EPHB1: variants seen among roughly 807,000 people sequenced by gnomAD.
EPHB1 encodes EPH receptor B1.
Under a neutral mutation model 94.4 loss-of-function variants are expected in EPHB1, and 30 were observed. The observed-to-expected ratio is 0.32, with a 90% CI of 0.24 to 0.43. The LOEUF is 0.43. Ranked by LOEUF, EPHB1 falls within the 20% of genes least tolerant of loss-of-function variation. The probability of loss-of-function intolerance (pLI) is 1.00; values close to 1 mark genes in which losing one functional copy is unlikely to be tolerated. For missense variants in EPHB1, 1,055 were observed against 1,308.3 expected, an observed-to-expected ratio of 0.81 and a Z score of 2.99; for synonymous variants, 522 against 489.1, an observed-to-expected ratio of 1.07 and a Z score of -0.89.
chr3:135,139,927 C>T (rs763956889), intron 5 of EPHB1, among the ~76,000 whole-genome samples: 2 of 152,188 alleles, frequency 1.3e-5, no homozygotes, highest in African/African-American at 2.4e-5. Flanking sequence ...GGGAATTCTC[C>T]TTCCAGGTTG....
rs536384627 is a variant in EPHB1 at position 134,828,288 on chromosome 3, A to C, written c.58+32599A>C. On this transcript the variant is annotated intron_variant, in intron 1 of 15. Transcript: ENST00000398015. ...CCAACACTGTGTGAGTAGGAACAAAAAAAGATCATGGAGTCTTAATAGACT... is the reference window on the plus strand; with the variant it reads ...CCAACACTGTGTGAGTAGGAACAAACAAAGATCATGGAGTCTTAATAGACT... Among the ~76,000 whole-genome samples, 205 of 152,338 alleles carry C rather than the reference A, an allele frequency of 1.3e-3. 1 individual carries two copies. Among genetic ancestry groups the C allele is most frequent in the African/African-American group, 4.8e-3 (200 of 41,576 alleles).
chr3:134,966,888 G>A (rs974154868), intron 3 of EPHB1, among the ~76,000 whole-genome samples: 26 of 152,220 alleles, frequency 1.7e-4, no homozygotes, highest in Admixed American at 1.6e-3. Flanking sequence ...ACAGGGCCCC[G>A]CTCTGGCCCT....
rs144472668 is a variant in EPHB1, at chr3:134,872,717, A to G, written c.59-53099A>G. 1.5e-3 allele frequency among the ~76,000 whole-genome samples: 225 copies of G among 152,328 alleles called. 2 individuals carry two copies. Among genetic ancestry groups the G allele is most frequent in the African/African-American group, 1.7e-3 (72 of 41,576 alleles). On this transcript the variant is annotated intron_variant, in intron 1 of 15. Coordinates refer to ENST00000398015, the MANE Select transcript of EPHB1 (RefSeq NM_004441.5). Reference sequence around the variant, plus strand: ...CTTCAATGTCTTTCCATAAATTATAATGAAGGGTGAATACCTTAGTACTTC... The same window carrying G: ...CTTCAATGTCTTTCCATAAATTATAGTGAAGGGTGAATACCTTAGTACTTC...
At chr3:135,252,055 T>A (rs1272644405) in intron 15 of EPHB1, among the ~76,000 whole-genome samples, 1 of 151,962 alleles carries the variant, frequency 6.6e-6, no homozygotes. Context: ...ATAATGCCCA[T>A]CTCATTAGTG....
chr3:135,029,141 T>G (rs184749452), intron 3 of EPHB1, among the ~76,000 whole-genome samples: 70 of 46,882 alleles, frequency 1.5e-3, no homozygotes, highest in Admixed American at 0.01. Context: ...GATGGGTTTC[T>G]TGAATACAGC....
intron 3 of EPHB1, among the ~76,000 whole-genome samples, chr3:134,960,115 GC>G (rs1381156425): frequency 1.3e-5 from 2 of 151,758 alleles, no homozygotes; most frequent in Non-Finnish European, 2.9e-5. Flanking sequence ...GCCCTTAGGA[GC>G]CCTGAGAGAT....
intron 1 of EPHB1, among the ~76,000 whole-genome samples, chr3:134,859,247 G>A (rs867750329): frequency 6.6e-6 from 1 of 152,070 alleles, no homozygotes; most frequent in African/African-American, 2.4e-5. Context: ...CACCTCCTTC[G>A]ATCTCATTGT....
At chr3:134,944,950 T>G (rs906865288) in intron 2 of EPHB1, among the ~76,000 whole-genome samples, 99 of 152,240 alleles carry the variant, frequency 6.5e-4, no homozygotes, top group African/African-American at 2.2e-3. Flanking sequence ...CTTTTGTTCT[T>G]TGACATCCCC....
At chr3:134,916,309 CG>C in intron 1 of EPHB1, among the ~76,000 whole-genome samples, 1 of 152,354 alleles carries the variant, frequency 6.6e-6, no homozygotes, top group Non-Finnish European at 1.5e-5. Flanking sequence ...GGATCCCACA[CG>C]AGGGCCACAG....
chr3:134,972,292 G>A (rs541426101), intron 3 of EPHB1, among the ~76,000 whole-genome samples: 19 of 150,984 alleles, frequency 1.3e-4, no homozygotes, highest in Non-Finnish European at 2.2e-4. Context: ...ACTGTACAGA[G>A]AGCATCTGGA....
At chr3:134,967,438 G>A (rs1488112510) in intron 3 of EPHB1, among the ~76,000 whole-genome samples, 3 of 152,170 alleles carry the variant, frequency 2.0e-5, no homozygotes, top group Non-Finnish European at 4.4e-5. Context: ...TGGATCATGA[G>A]AGCTCTGCAC....
At chr3:135,063,921 C>G (rs114953707) in intron 3 of EPHB1, among the ~76,000 whole-genome samples, 1 of 151,904 alleles carries the variant, frequency 6.6e-6, no homozygotes, top group Non-Finnish European at 1.5e-5. Flanking sequence ...TGGATTTTTT[C>G]GAATGCATTT....
At chr3:134,911,690 G>A (rs1329231583) in intron 1 of EPHB1, among the ~76,000 whole-genome samples, 1 of 152,234 alleles carries the variant, frequency 6.6e-6, no homozygotes, top group East Asian at 1.9e-4. Flanking sequence ...ATACTTGGAA[G>A]AGGATGGCAG....
chr3:135,017,166 G>C (rs1214906247), intron 3 of EPHB1, among the ~76,000 whole-genome samples: 1 of 152,168 alleles, frequency 6.6e-6, no homozygotes, highest in Non-Finnish European at 1.5e-5. Context: ...GCAAGTGCAG[G>C]GTCTGTGTCA....
chr3:135,008,384 C>T (rs911459317), intron 3 of EPHB1, among the ~76,000 whole-genome samples: 1 of 152,146 alleles, frequency 6.6e-6, no homozygotes, highest in Non-Finnish European at 1.5e-5. Flanking sequence ...TAAATAGTTT[C>T]CCTGAGTCAT....
intron 3 of EPHB1, among the ~76,000 whole-genome samples, chr3:134,981,346 G>T (rs34773897): frequency 1.3e-5 from 2 of 152,128 alleles, no homozygotes; most frequent in South Asian, 4.1e-4. Context: ...CTCATCTTGC[G>T]TGTTCATCAA....
chr3:134,868,925 A>C (rs113333676), intron 1 of EPHB1, among the ~76,000 whole-genome samples: 56 of 152,290 alleles, frequency 3.7e-4, no homozygotes, highest in Non-Finnish European at 5.7e-4. Context: ...GATGCATTTG[A>C]GGTTCTAGGC....
At chr3:134,852,019 C>T (rs1042896662) in intron 1 of EPHB1, among the ~76,000 whole-genome samples, 1 of 152,184 alleles carries the variant, frequency 6.6e-6, no homozygotes, top group Non-Finnish European at 1.5e-5. Context: ...TCAGTAGAAT[C>T]CCAGGGCTAC....
intron 3 of EPHB1, among the ~76,000 whole-genome samples, chr3:135,038,646 C>T (rs1008697151): frequency 1.4e-4 from 22 of 152,150 alleles, no homozygotes; most frequent in African/African-American, 5.3e-4. Flanking sequence ...CGTCTGGAGT[C>T]TGTCCCTTCT....
Sources: allele counts gnomAD v4.1 joint callset (sites outside exome capture counted in the v4.1 genomes callset), GRCh38; gene constraint gnomAD v4.1.1; transcripts MANE v1.5; gene names NCBI Gene and HGNC (gene_info 2026-07-23, HGNC 2026-07-21).